Variants in PCNX2 observed in about 807,000 individuals in gnomAD.
PCNX2 encodes the protein pecanex-like protein 2.
Under a neutral mutation model 223.8 loss-of-function variants are expected in PCNX2, and 168 were observed. The ratio of observed to expected loss-of-function variants is 0.75; its 90% CI spans 0.66 to 0.85. The LOEUF (loss-of-function observed/expected upper bound fraction) is 0.85. PCNX2 is among the 40% of genes least tolerant of loss of function. PCNX2 has a pLI of 0.00. For missense variants in PCNX2, 2,507 were observed against 2,675.5 expected, an observed-to-expected ratio of 0.94 and a Z score of 1.39; for synonymous variants, 1,006 against 1,052.6, an observed-to-expected ratio of 0.96 and a Z score of 0.86.
intron 10 of PCNX2, among the ~76,000 whole-genome samples, chr1:233,219,975 T>A (rs923190359): frequency 1.3e-5 from 2 of 152,208 alleles, no homozygotes; most frequent in Non-Finnish European, 2.9e-5. Flanking sequence ...CAACAACTGA[T>A]CTTTTTATTG....
At chr1:233,117,878 C>T (rs962083270) in intron 21 of PCNX2, among the ~76,000 whole-genome samples, 4 of 148,784 alleles carry the variant, frequency 2.7e-5, no homozygotes, top group Admixed American at 6.7e-5. Flanking sequence ...GGCGTAGTGG[C>T]GGGCGCCTGT....
At chr1:233,190,939 C>T (rs573908369) in intron 15 of PCNX2, among the ~76,000 whole-genome samples, 4 of 152,122 alleles carry the variant, frequency 2.6e-5, no homozygotes, top group Non-Finnish European at 1.5e-5. Context: ...GTACTACTGA[C>T]CTCAGTTAGA....
the PCNX2 span, among the ~76,000 whole-genome samples, chr1:233,308,464 AC>A: frequency 0.01 from 1,467 of 145,124 alleles, 24 homozygotes; most frequent in African/African-American, 0.036. Context: ...GTTTAAAAAA[AC>A]AAAAAAAAGA....
intron 15 of PCNX2, among the ~76,000 whole-genome samples, chr1:233,184,351 T>C (rs914397092): frequency 4.3e-5 from 6 of 141,056 alleles, no homozygotes; most frequent in African/African-American, 1.6e-4. Flanking sequence ...TCCTATTCTG[T>C]AAAAAGGGGA....
intron 21 of PCNX2, among the ~76,000 whole-genome samples, chr1:233,107,020 T>G (rs1674830154): frequency 1.3e-5 from 2 of 152,034 alleles, no homozygotes; most frequent in Admixed American, 1.3e-4. Flanking sequence ...TAAAACAAAA[T>G]ATAATAATAC....
At chr1:233,064,087 C>T (rs533390194) in intron 23 of PCNX2, among the ~76,000 whole-genome samples, 5 of 151,608 alleles carry the variant, frequency 3.3e-5, no homozygotes, top group African/African-American at 7.3e-5. Flanking sequence ...TTTGGAGAGT[C>T]GAAATCTGCT....
intron 1 of PCNX2, among the ~76,000 whole-genome samples, chr1:233,272,765 T>C (rs1163324674): frequency 1.3e-5 from 2 of 151,920 alleles, no homozygotes; most frequent in African/African-American, 4.8e-5. Context: ...AATCAATGAG[T>C]GGATAAAGAA....
the PCNX2 span, among the ~76,000 whole-genome samples, chr1:233,316,885 T>C: frequency 1.8e-4 from 28 of 152,238 alleles, no homozygotes; most frequent in Non-Finnish European, 3.7e-4. Flanking sequence ...TTATTCATCC[T>C]GTCTATTTTT....
intron 25 of PCNX2, 102 bp downstream of exon 25, chr1:233,054,166 T>C (rs1558190357): frequency 4.9e-6 from 5 of 1,029,976 alleles, no homozygotes; most frequent in Non-Finnish European, 2.9e-6. Context: ...TAGGAAGACA[T>C]TAAGTTTTTC....
chr1:233,296,364 A>G (rs1181625738), upstream of PCNX2, among the ~76,000 whole-genome samples: 1 of 152,136 alleles, frequency 6.6e-6, no homozygotes, highest in Non-Finnish European at 1.5e-5. Context: ...CCTTCCTGAT[A>G]AAATTTTAGG....
At chr1:233,268,204 G>A (rs1177735998) in intron 1 of PCNX2, among the ~76,000 whole-genome samples, 5 of 152,140 alleles carry the variant, frequency 3.3e-5, no homozygotes, top group African/African-American at 4.8e-5. Context: ...GAGCCACCGC[G>A]CCTGGTTTAT....
At chr1:233,023,549 A>G (rs973373270) in intron 26 of PCNX2, among the ~76,000 whole-genome samples, 1 of 152,186 alleles carries the variant, frequency 6.6e-6, no homozygotes, top group African/African-American at 2.4e-5. Context: ...TCCAAGAGAA[A>G]TAAGCTTCTA....
At chr1:233,070,595 T>A (rs1672810281) in intron 23 of PCNX2, among the ~76,000 whole-genome samples, 1 of 151,436 alleles carries the variant, frequency 6.6e-6, no homozygotes, top group Non-Finnish European at 1.5e-5. Context: ...CATACTCACA[T>A]GGGAAAGAAG....
chr1:233,274,447 A>G lies in PCNX2; in HGVS notation c.154-11284T>C, dbSNP rs1044275251. On this transcript the variant is annotated intron_variant, in intron 1 of 33. Coordinates refer to ENST00000258229, the MANE Select transcript of PCNX2 (RefSeq NM_014801.4). The stretch of plus-strand genomic sequence containing the variant: ...AAATCAACCCTCCCCACAGTTGAAA[A>G]TCACTGCTTAGCTCAAAAACGCATT... Among the ~76,000 whole-genome samples the G allele has an allele frequency of 3.9e-5, 6 of 152,220 alleles. No individual in the cohort carries two copies. In the East Asian group the frequency reaches 1.2e-3, roughly 29 times the overall value.
At chr1:233,248,710 G>C (rs1216291274) in intron 8 of PCNX2, among the ~76,000 whole-genome samples, 1 of 152,132 alleles carries the variant, frequency 6.6e-6, no homozygotes. Flanking sequence ...GTAATAGAAA[G>C]GGGTCTGACT....
At chr1:233,170,942 A>G (rs1258360434) in intron 17 of PCNX2, among the ~76,000 whole-genome samples, 2 of 152,182 alleles carry the variant, frequency 1.3e-5, no homozygotes, top group Admixed American at 1.3e-4. Context: ...TCATCCGAAA[A>G]TCCGAAATGC....
intron 1 of PCNX2, among the ~76,000 whole-genome samples, chr1:233,277,132 C>G (rs1308643392): frequency 1.3e-5 from 2 of 152,112 alleles, no homozygotes; most frequent in Non-Finnish European, 2.9e-5. Context: ...AAAGCCTGTG[C>G]AGCTGACTGC....
chr1:233,313,138 G>A, the PCNX2 span, among the ~76,000 whole-genome samples: 1 of 152,202 alleles, frequency 6.6e-6, no homozygotes, highest in Non-Finnish European at 1.5e-5. Context: ...CTGTTTATAT[G>A]AAATTAGAAA....
At chr1:233,187,759 C>G (rs1680188060) in intron 15 of PCNX2, among the ~76,000 whole-genome samples, 1 of 152,116 alleles carries the variant, frequency 6.6e-6, no homozygotes, top group African/African-American at 2.4e-5. Flanking sequence ...AAAGCACGAG[C>G]TGGCTGGCTG....
Sources: allele counts gnomAD v4.1 joint callset (sites outside exome capture counted in the v4.1 genomes callset), GRCh38; gene constraint gnomAD v4.1.1; transcripts MANE v1.5; gene names NCBI Gene and HGNC (gene_info 2026-07-23, HGNC 2026-07-21).